Variants in RYR3 observed in about 807,000 individuals in gnomAD.
RYR3 encodes brain ryanodine receptor-calcium release channel.
In RYR3, 207 loss-of-function variants were observed where a neutral mutation model predicts 584.3. That is an observed-to-expected ratio of 0.35 (90% confidence interval 0.32 to 0.40). The LOEUF is 0.40. Among genes scored for constraint, RYR3 ranks in the 10% least tolerant of loss-of-function variants. The pLI is 1.00. For synonymous variants in RYR3, 2,416 were observed against 2,248.5 expected, an observed-to-expected ratio of 1.07 and a Z score of -2.11; for missense variants, 5,616 against 6,089.2, an observed-to-expected ratio of 0.92 and a Z score of 2.59.
intron 1 of RYR3, among the ~76,000 whole-genome samples, chr15:33,400,612 GT>G (rs2042595405): frequency 6.6e-6 from 1 of 152,084 alleles, no homozygotes; most frequent in South Asian, 2.1e-4. Flanking sequence ...TTCTTCCTTC[GT>G]GGTGAGTTGT....
rs1320129824 is a variant in RYR3, at chr15:33,634,585, G to A, written c.3028-1G>A. 1 of 1,613,932 alleles carries A rather than the reference G, an allele frequency of 6.2e-7. No homozygotes were observed. The highest frequency in any genetic ancestry group is 1.3e-5 in the African/African-American group (1 of 75,038). On this transcript the variant is annotated splice_acceptor_variant, in intron 24 of 103. Coordinates refer to ENST00000634891, the MANE Select transcript of RYR3 (RefSeq NM_001036.6). LOFTEE classifies it high-confidence loss of function. Reference sequence around the variant, plus strand: ...CACCTTTTTTCTCTGGCGTCACATAGGATTTGAAGAACAAAAGAAATCCCC... The same window carrying A: ...CACCTTTTTTCTCTGGCGTCACATAAGATTTGAAGAACAAAAGAAATCCCC...
chr15:33,611,371 A>G (rs748460496), intron 18 of RYR3, among the ~76,000 whole-genome samples: 14 of 152,042 alleles, frequency 9.2e-5, no homozygotes, highest in Non-Finnish European at 1.9e-4. Context: ...CCTGGCTAAC[A>G]CGGTGAAACC....
rs539146427 is a variant in RYR3 at position 33,404,157 on chromosome 15, C to T, written c.52-69262C>T. The stretch of plus-strand genomic sequence containing the variant: ...TGCCTTTTATTAGTAGAAATGATGA[C>T]AGGATGTAAAATCAAAATATTGCTT... On this transcript the variant is annotated intron_variant, in intron 1 of 103. Transcript: ENST00000634891. Among the ~76,000 whole-genome samples the T allele has an allele frequency of 3.9e-5, 6 of 152,290 alleles. No individual in the cohort carries two copies. The South Asian group carries it at 1.0e-3, about 26-fold the overall frequency.
intron 100 of RYR3, among the ~76,000 whole-genome samples, chr15:33,860,222 G>A (rs962587095): frequency 1.3e-5 from 2 of 152,204 alleles, no homozygotes; most frequent in Non-Finnish European, 2.9e-5. Flanking sequence ...GCTAAGAAGT[G>A]AAGTAACTGA....
At chr15:33,332,516 G>T (rs546530861) in intron 1 of RYR3, among the ~76,000 whole-genome samples, 5 of 151,934 alleles carry the variant, frequency 3.3e-5, no homozygotes. Flanking sequence ...CACACACACA[G>T]AAATTATAAA....
At chr15:33,552,796 G>A (rs868022153) in intron 10 of RYR3, among the ~76,000 whole-genome samples, 14 of 152,310 alleles carry the variant, frequency 9.2e-5, no homozygotes, top group South Asian at 2.1e-4. Context: ...AACTGTGGGG[G>A]AAGGGCGGTA....
chr15:33,419,606 A>G (rs1460054867), intron 1 of RYR3, among the ~76,000 whole-genome samples: 2 of 152,230 alleles, frequency 1.3e-5, no homozygotes, highest in Non-Finnish European at 2.9e-5. Context: ...CCTAAGGCAC[A>G]AATAGTACCT....
chr15:33,811,197 T>A (rs7170964), intron 72 of RYR3, among the ~76,000 whole-genome samples, 160 bp downstream of exon 72: 68,333 of 151,612 alleles, frequency 0.45, 15,614 homozygotes, highest in East Asian at 0.65. Context: ...CTTTTTTAAA[T>A]TTTTTTTTAA....
intron 17 of RYR3, 105 bp from the exon 18 acceptor site, chr15:33,603,018 T>C (rs987578922): frequency 1.7e-6 from 2 of 1,198,748 alleles, no homozygotes; most frequent in Non-Finnish European, 2.4e-6. Context: ...ACAGCATTGC[T>C]CTTGTCCTAC....
At chr15:33,466,909 T>C (rs1368085943) in intron 1 of RYR3, among the ~76,000 whole-genome samples, 1 of 152,212 alleles carries the variant, frequency 6.6e-6, no homozygotes, top group East Asian at 1.9e-4. Flanking sequence ...GATCTTAGAA[T>C]TGAAGGAAGC....
intron 20 of RYR3, among the ~76,000 whole-genome samples, chr15:33,628,143 G>T (rs1291617645): frequency 6.6e-6 from 1 of 152,200 alleles, no homozygotes; most frequent in Non-Finnish European, 1.5e-5. Context: ...GTTAGAAATG[G>T]CCTGACTTGG....
chr15:33,583,716 T>C (rs2058702747), intron 14 of RYR3, among the ~76,000 whole-genome samples: 1 of 151,590 alleles, frequency 6.6e-6, no homozygotes, highest in South Asian at 2.1e-4. Context: ...ACGCCAAGAG[T>C]TCAAGACCAG....
In RYR3 at chr15:33,662,727, C is replaced by A. The variant is rs1308869743; in HGVS notation, c.5197C>A (p.Leu1733Met). The A allele has an allele frequency of 6.2e-7, 1 of 1,614,184 alleles. No individual in the cohort carries two copies. Among genetic ancestry groups the A allele is most frequent in the Non-Finnish European group, 8.5e-7 (1 of 1,180,026 alleles). ...VPVLKLIGTLLVMGVFDDDDV... is the reference protein window; with the variant it reads ...VPVLKLIGTLMVMGVFDDDDV... ...TGTGCTGAAACTCATTGGAACCCTG[C>A]TGGTCATGGGCGTGTTTGATGATGA... The change falls in exon 35 of 104, where the codon CTG becomes ATG. Residue 1733 changes from leucine (L) to methionine (M), a missense_variant. Transcript: ENST00000634891.
chr15:33,514,762 G>A (rs2053353058), intron 3 of RYR3, among the ~76,000 whole-genome samples: 1 of 152,042 alleles, frequency 6.6e-6, no homozygotes, highest in Non-Finnish European at 1.5e-5. Context: ...AGCACTTTGG[G>A]AGGCTGAGAT....
At chr15:33,464,858 A>C (rs1434932099) in intron 1 of RYR3, among the ~76,000 whole-genome samples, 1 of 152,040 alleles carries the variant, frequency 6.6e-6, no homozygotes, top group Non-Finnish European at 1.5e-5. Flanking sequence ...TGTATAACTG[A>C]AACTTTTTAC....
rs2061234305 is a variant in RYR3, at chr15:33,630,938, A to C, written c.2784-272A>C. On this transcript the variant is annotated intron_variant, in intron 22 of 103. Transcript: ENST00000634891. ...AATCAGACCAGCTACCTATTTTTGT[A>C]AATAGATTGTTATTGTAACAGAGTC... Among the ~76,000 whole-genome samples, 3 of 152,180 alleles carry C rather than the reference A, an allele frequency of 2.0e-5. No individual in the cohort carries two copies. The South Asian group carries it at 6.2e-4, about 32-fold the overall frequency.
intron 3 of RYR3, among the ~76,000 whole-genome samples, chr15:33,512,237 C>G (rs1368508359): frequency 1.3e-5 from 2 of 152,194 alleles, no homozygotes; most frequent in Non-Finnish European, 2.9e-5. Context: ...GCAACTCCAG[C>G]TCTGCTATTC....
chr15:33,368,584 C>G (rs1205703499), intron 1 of RYR3, among the ~76,000 whole-genome samples: 1 of 152,024 alleles, frequency 6.6e-6, no homozygotes, highest in African/African-American at 2.4e-5. Context: ...CCTCCTGGTC[C>G]TGTGTAAGTG....
chr15:33,659,622 C>A, intron 32 of RYR3, 98 bp from the exon 33 acceptor site: 3 of 751,214 alleles, frequency 4.0e-6, no homozygotes, highest in Non-Finnish European at 7.1e-6. Context: ...AGCTAGCAGT[C>A]ATTGGAATGA....
Sources: allele counts gnomAD v4.1 joint callset (sites outside exome capture counted in the v4.1 genomes callset), GRCh38; gene constraint gnomAD v4.1.1; transcripts MANE v1.5; gene names NCBI Gene and HGNC (gene_info 2026-07-23, HGNC 2026-07-21).